SLC25A48: variants seen among roughly 807,000 people sequenced by gnomAD.
The protein encoded by SLC25A48 is CTC-321K16.1.
Under a neutral mutation model 32.2 loss-of-function variants are expected in SLC25A48, and 29 were observed. The observed-to-expected ratio is 0.90, with a 90% CI of 0.67 to 1.23. The LOEUF (loss-of-function observed/expected upper bound fraction) is 1.23, where lower values mean the gene tolerates loss of function less well. Among genes scored for constraint, SLC25A48 ranks in the 50% most tolerant of loss-of-function variants. The pLI, the probability that SLC25A48 is intolerant of heterozygous loss-of-function variation, is 0.00. For synonymous variants in SLC25A48, 164 were observed against 172.3 expected (o/e 0.95, Z 0.38); for missense variants, 399 against 422.7 (o/e 0.94, Z 0.49).
intron 4 of SLC25A48, chr5:135,822,117 G>T (rs879407133): frequency 1.3e-5 from 2 of 152,180 alleles, no homozygotes; most frequent in Non-Finnish European, 2.9e-5. Flanking sequence ...GTGCTGTCCA[G>T]TGCCCACTGG....
intron 3 of SLC25A48, among the ~76,000 whole-genome samples, chr5:135,760,057 T>A (rs1181725837): frequency 1.3e-5 from 2 of 152,022 alleles, no homozygotes; most frequent in African/African-American, 4.8e-5. Flanking sequence ...TGTCAAAATC[T>A]TGGCCTCAAG....
chr5:135,789,045 A>G (rs968865607), intron 3 of SLC25A48, among the ~76,000 whole-genome samples: 2 of 151,552 alleles, frequency 1.3e-5, no homozygotes, highest in Non-Finnish European at 1.5e-5. Context: ...TGGGGGATGT[A>G]CACCCCCATG....
At chr5:135,835,094 G>T (rs1310592630) in intron 1 of SLC25A48, 1 of 724,936 alleles carries the variant, frequency 1.4e-6, no homozygotes. Flanking sequence ...GCTTCACAGC[G>T]TTTCGGGCTG....
rs116084406 is a variant in SLC25A48, at chr5:135,790,071, C to T, written c.-520-22452C>T. Among the ~76,000 whole-genome samples, 1,019 of 151,726 alleles carry T rather than the reference C, an allele frequency of 6.7e-3. 16 individuals carry two copies. Among genetic ancestry groups the T allele is most frequent in the African/African-American group, 0.024 (985 of 41,362 alleles). The stretch of plus-strand genomic sequence containing the variant: ...AGTAATAATATAACTGGGAGTACAC[C>T]ACGTGTGATATTAGGAGTAACATCT... On this transcript the variant is annotated intron_variant, in intron 3 of 10. Transcript: ENST00000646290.
chr5:135,791,175 G>A (rs9637921), intron 3 of SLC25A48, among the ~76,000 whole-genome samples: 99,134 of 151,292 alleles, frequency 0.66, 34,418 homozygotes, highest in Non-Finnish European at 0.78. Flanking sequence ...ATATCACACT[G>A]AGGGTACACC....
intron 1 of SLC25A48, among the ~76,000 whole-genome samples, chr5:135,584,985 G>A (rs952418654): frequency 6.6e-6 from 1 of 152,238 alleles, no homozygotes; most frequent in Non-Finnish European, 1.5e-5. Context: ...CAACTCAGGA[G>A]CAGTTGATTC....
At chr5:135,795,932 G>A (rs1488920445) in intron 3 of SLC25A48, among the ~76,000 whole-genome samples, 3 of 149,322 alleles carry the variant, frequency 2.0e-5, no homozygotes, top group Admixed American at 6.7e-5. Context: ...TCCCCATATC[G>A]TGGGGGGTGT....
At chr5:135,673,746 T>C (rs1332737418) in intron 3 of SLC25A48, among the ~76,000 whole-genome samples, 2 of 152,232 alleles carry the variant, frequency 1.3e-5, no homozygotes, top group Non-Finnish European at 2.9e-5. Flanking sequence ...TTTTTGTTTG[T>C]GTTTTTGTAT....
chr5:135,722,007 C>T (rs1314508504), intron 3 of SLC25A48, among the ~76,000 whole-genome samples: 1 of 152,258 alleles, frequency 6.6e-6, no homozygotes, highest in African/African-American at 2.4e-5. Flanking sequence ...TTCCCCAAGG[C>T]TGTTCCAAAG....
intron 3 of SLC25A48, among the ~76,000 whole-genome samples, chr5:135,715,672 T>C (rs11745473): frequency 0.43 from 65,036 of 152,114 alleles, 15,052 homozygotes; most frequent in Non-Finnish European, 0.52. Flanking sequence ...AGGGCATTTG[T>C]AGGAGAAAAC....
At chr5:135,580,041 T>C (rs571272301) in intron 1 of SLC25A48, among the ~76,000 whole-genome samples, 3 of 152,260 alleles carry the variant, frequency 2.0e-5, no homozygotes, top group Non-Finnish European at 2.9e-5. Flanking sequence ...ATGTTACTTA[T>C]TGGCACCATC....
At chr5:135,723,346 AG>A (rs1755007046) in intron 3 of SLC25A48, among the ~76,000 whole-genome samples, 1 of 143,108 alleles carries the variant, frequency 7.0e-6, no homozygotes, top group Admixed American at 7.1e-5. Flanking sequence ...ATCCAGTGGA[AG>A]GGAGTCTGTC....
At chr5:135,834,473 G>A (rs1463154602), upstream of SLC25A48, among the ~76,000 whole-genome samples, 1 of 152,270 alleles carries the variant, frequency 6.6e-6, no homozygotes, top group Non-Finnish European at 1.5e-5. Flanking sequence ...GGCACTTTCA[G>A]TTCAAAGGCG....
At chr5:135,761,622 C>A (rs963186512) in intron 3 of SLC25A48, among the ~76,000 whole-genome samples, 14 of 152,190 alleles carry the variant, frequency 9.2e-5, no homozygotes, top group Non-Finnish European at 1.6e-4. Context: ...TGCAAATACC[C>A]TAGCTCCACC....
intron 3 of SLC25A48, among the ~76,000 whole-genome samples, chr5:135,729,207 G>A (rs1291304125): frequency 2.0e-5 from 3 of 152,130 alleles, no homozygotes; most frequent in African/African-American, 7.2e-5. Flanking sequence ...TCCACACCCT[G>A]AGTAGCATGT....
At chr5:135,712,811 G>C (rs79252651) in intron 3 of SLC25A48, among the ~76,000 whole-genome samples, 3 of 152,192 alleles carry the variant, frequency 2.0e-5, no homozygotes, top group Non-Finnish European at 4.4e-5. Flanking sequence ...AGCACATGAA[G>C]TATGTTTACC....
rs142895570 is a variant in SLC25A48 at position 135,791,202 on chromosome 5, G to A, written c.-520-21321G>A. On this transcript the variant is annotated intron_variant, in intron 3 of 10. Transcript: ENST00000646290. ...GGGTACACCCTGTATCACAGTGGGT[G>A]TACAACCTGTGATATTAGCAATAAT... 5.8e-3 allele frequency among the ~76,000 whole-genome samples: 888 copies of A among 151,832 alleles called. 4 individuals are homozygous for A. Among genetic ancestry groups the A allele is most frequent in the Non-Finnish European group, 9.5e-3 (641 of 67,824 alleles).
At chr5:135,881,856 C>A (rs1359017917) in intron 7 of SLC25A48, among the ~76,000 whole-genome samples, 2 of 152,302 alleles carry the variant, frequency 1.3e-5, no homozygotes, top group East Asian at 3.9e-4. Context: ...TGTTTTACAG[C>A]CCTCTTTTCC....
intron 3 of SLC25A48, among the ~76,000 whole-genome samples, chr5:135,721,978 C>T (rs1435853074): frequency 6.6e-6 from 1 of 152,230 alleles, no homozygotes; most frequent in Admixed American, 6.5e-5. Flanking sequence ...GTATGTGGGG[C>T]CTGGGGCCCC....
Sources: allele counts gnomAD v4.1 joint callset (sites outside exome capture counted in the v4.1 genomes callset), GRCh38; gene constraint gnomAD v4.1.1; transcripts MANE v1.5; gene names NCBI Gene and HGNC (gene_info 2026-07-23, HGNC 2026-07-21).